ARNT2: variants seen among roughly 807,000 people sequenced by gnomAD.
ARNT2 encodes ARNT protein 2.
A neutral mutation model predicts 91.7 loss-of-function variants in ARNT2; 36 were observed. The ratio of observed to expected loss-of-function variants is 0.39; its 90% CI spans 0.30 to 0.52. ARNT2 has a LOEUF of 0.52. ARNT2 is among the 20% of genes least tolerant of loss of function. The pLI is 0.72. For synonymous variants in ARNT2, 365 were observed against 347.1 expected, an observed-to-expected ratio of 1.05 and a Z score of -0.57; for missense variants, 775 against 939.3, an observed-to-expected ratio of 0.83 and a Z score of 2.29.
intron 8 of ARNT2, among the ~76,000 whole-genome samples, chr15:80,516,853 A>ATATATATATATATATC (rs1157966395): frequency 7.2e-6 from 1 of 139,048 alleles, no homozygotes; most frequent in African/African-American, 2.6e-5. Flanking sequence ...ATATATATAT[A>ATATATATATATATATC]TATCCATGTT....
chr15:80,485,954 T>C (rs1006143968), intron 5 of ARNT2, among the ~76,000 whole-genome samples: 2 of 152,168 alleles, frequency 1.3e-5, no homozygotes, highest in Non-Finnish European at 2.9e-5. Flanking sequence ...CTTAAAACAA[T>C]GGGAATGTGT....
At chr15:80,560,813 G>A (rs1249690744) in intron 11 of ARNT2, among the ~76,000 whole-genome samples, 1 of 152,178 alleles carries the variant, frequency 6.6e-6, no homozygotes, top group Non-Finnish European at 1.5e-5. Flanking sequence ...GATGTGCCTG[G>A]CCTTACTTAC....
intron 1 of ARNT2, among the ~76,000 whole-genome samples, chr15:80,431,874 C>T (rs1422329561): frequency 6.6e-6 from 1 of 152,172 alleles, no homozygotes; most frequent in Non-Finnish European, 1.5e-5. Flanking sequence ...TGGAGAGCAC[C>T]CAGCAGGGGG....
At position 80,563,077 on chromosome 15, in the gene ARNT2, T is replaced by C; in HGVS notation, c.1165-11T>C. The C allele has an allele frequency of 6.2e-7, 1 of 1,614,122 alleles. No individual in the cohort carries two copies. The highest frequency in any genetic ancestry group is 8.5e-7 in the Non-Finnish European group (1 of 1,179,996). On this transcript the variant is annotated splice_polypyrimidine_tract_variant and intron_variant, in intron 11 of 18. Transcript: ENST00000303329. ...CCTCCTGCTGACTTCCTTCTCCAAA[T>C]GTTTTCTCAGGTGGTTAAGCTGAAA...
chr15:80,583,335 G>T (rs1009011195), intron 17 of ARNT2, among the ~76,000 whole-genome samples: 3 of 152,302 alleles, frequency 2.0e-5, no homozygotes, highest in African/African-American at 7.2e-5. Context: ...CCACTTCCCT[G>T]CCCCAACCAT....
rs547655288 is a variant in ARNT2, at chr15:80,504,771, GA to G, written c.623-3372del. ...CTACAGAGTGAGACCCTGTCTCAAA[GA>G]AAAAAAAAAAAATGGAAATCAGGCA... is the stretch of plus-strand genomic sequence containing the variant. On this transcript the variant is annotated intron_variant, in intron 5 of 18. Coordinates refer to ENST00000303329, the MANE Select transcript of ARNT2 (RefSeq NM_014862.4). 9.5e-3 allele frequency among the ~76,000 whole-genome samples: 920 copies of G among 96,852 alleles called. 15 individuals carry two copies. The highest frequency in any genetic ancestry group is 0.044 in the African/African-American group (838 of 19,086). The allele number at this position is 96,852 out of a possible 152,430, so 63.5% of individuals were successfully genotyped here. A position where few individuals can be genotyped will look rare whatever the true frequency, so the allele number is the denominator to read the frequency against.
intron 15 of ARNT2, among the ~76,000 whole-genome samples, chr15:80,577,193 C>T (rs1306172440): frequency 6.6e-6 from 1 of 152,208 alleles, no homozygotes; most frequent in African/African-American, 2.4e-5. Context: ...GTGAACAGCA[C>T]CAGCCACTGT....
At chr15:80,581,217 C>G in intron 16 of ARNT2, 22 bp from the exon 17 acceptor site, 2 of 1,612,438 alleles carry the variant, frequency 1.2e-6, no homozygotes, top group Non-Finnish European at 1.7e-6. Flanking sequence ...CTTTCCATCT[C>G]TTTGCTTTGT....
rs761982245 is a variant in ARNT2 at position 80,581,361 on chromosome 15, T to A, written c.1875T>A (p.Ser625Arg). The A allele has an allele frequency of 3.0e-5, 49 of 1,613,980 alleles. No homozygotes were observed. Among genetic ancestry groups the A allele is most frequent in the Non-Finnish European group, 3.9e-5 (46 of 1,180,018 alleles). Reference sequence around the variant, plus strand: ...CCAGCCCAGCTACCTCCTCGCCAAGTGGGAATGCCTACTCCAGTCTTGCCA... The same window carrying A: ...CCAGCCCAGCTACCTCCTCGCCAAGAGGGAATGCCTACTCCAGTCTTGCCA... The part of the protein sequence containing the change: ...PLSSPATSSP[S>R]GNAYSSLANR... The change falls in exon 17 of 19, where the codon AGT becomes AGA. Residue 625 changes from serine (S) to arginine (R), a missense_variant. Physicochemically the swap from Ser to Arg is moderately radical, Grantham distance 110. This residue lies in a region of ARNT2 where 325 missense variants were observed against 359.9 expected (regional missense o/e 0.90). Coordinates refer to ENST00000303329, the MANE Select transcript of ARNT2 (RefSeq NM_014862.4).
chr15:80,531,721 C>G (rs1897743949), intron 8 of ARNT2, among the ~76,000 whole-genome samples: 1 of 152,198 alleles, frequency 6.6e-6, no homozygotes, highest in Non-Finnish European at 1.5e-5. Context: ...CTGCTAAACT[C>G]CTAGTCCATA....
intron 1 of ARNT2, among the ~76,000 whole-genome samples, chr15:80,405,904 CAGAGAGAG>C (rs71690528): frequency 0.019 from 2,764 of 146,106 alleles, 74 homozygotes; most frequent in African/African-American, 0.068. Flanking sequence ...GAGAGAGAGA[CAGAGAGAG>C]AGAGAGAGAG....
intron 6 of ARNT2, among the ~76,000 whole-genome samples, chr15:80,509,309 G>A (rs973851080): frequency 6.6e-6 from 1 of 152,010 alleles, no homozygotes; most frequent in Non-Finnish European, 1.5e-5. Flanking sequence ...GGATGTGGTG[G>A]CACACACCTG....
At chr15:80,572,269 C>T (rs1415132172) in intron 12 of ARNT2, among the ~76,000 whole-genome samples, 4 of 152,074 alleles carry the variant, frequency 2.6e-5, no homozygotes, top group South Asian at 2.1e-4. Context: ...GGCCACACAC[C>T]ACCTTCTCCT....
chr15:80,559,054 GC>G (rs1294249960), intron 11 of ARNT2, among the ~76,000 whole-genome samples: 1 of 152,116 alleles, frequency 6.6e-6, no homozygotes, highest in Non-Finnish European at 1.5e-5. Flanking sequence ...GCAGTTGCCT[GC>G]CCCAGGTTAC....
intron 1 of ARNT2, among the ~76,000 whole-genome samples, chr15:80,415,677 G>A (rs1895770514): frequency 6.6e-6 from 1 of 152,170 alleles, no homozygotes; most frequent in African/African-American, 2.4e-5. Context: ...AGCAATAAAT[G>A]GATCTTTCAG....
chr15:80,563,054 T>C, intron 11 of ARNT2, 34 bp from the exon 12 acceptor site: 1 of 1,613,604 alleles, frequency 6.2e-7, no homozygotes, highest in Middle Eastern at 1.7e-4. Flanking sequence ...CCATCCTTCC[T>C]CCTGCTGACT....
At chr15:80,461,229 C>T (rs1896547544) in intron 3 of ARNT2, among the ~76,000 whole-genome samples, 1 of 152,224 alleles carries the variant, frequency 6.6e-6, no homozygotes, top group African/African-American at 2.4e-5. Context: ...CAATTTCCCT[C>T]CAGCAATACC....
chr15:80,569,878 A>G (rs1431552821), intron 12 of ARNT2, among the ~76,000 whole-genome samples: 1 of 152,208 alleles, frequency 6.6e-6, no homozygotes, highest in Non-Finnish European at 1.5e-5. Context: ...CAGCTACACA[A>G]CTGCGCACAG....
At chr15:80,572,177 G>A (rs1898595712) in intron 12 of ARNT2, among the ~76,000 whole-genome samples, 1 of 151,928 alleles carries the variant, frequency 6.6e-6, no homozygotes, top group Admixed American at 6.6e-5. Flanking sequence ...GGTGAGTTAG[G>A]ATGAATGCAG....
Sources: gnomAD v4.1 joint callset for allele counts (sites outside exome capture counted in the v4.1 genomes callset) on GRCh38, gnomAD v4.1.1 for gene constraint, gnomAD v4.1.1 regional missense constraint, MANE v1.5 for transcripts, NCBI Gene and HGNC (gene_info 2026-07-23, HGNC 2026-07-21) for gene names.